STX2: variants seen among roughly 807,000 people sequenced by gnomAD.
The protein encoded by STX2 is syntaxin 2, also known as syntaxin-2.
A neutral mutation model predicts 40.6 loss-of-function variants in STX2; 27 were observed. That is an observed-to-expected ratio of 0.66 (90% CI 0.49 to 0.92). STX2 has a LOEUF of 0.92. Ranked by LOEUF, STX2 falls within the 40% of genes least tolerant of loss-of-function variation. STX2 has a pLI of 0.00. For missense variants in STX2, 328 were observed against 366.1 expected (o/e 0.90, Z 0.85); for synonymous variants, 123 against 119.1 (o/e 1.03, Z -0.22).
Position 130,818,182 on chromosome 12 carries a change from AAAAATATAT to A in STX2, c.205+3498_205+3506del, listed in dbSNP as rs1379778326. Among the ~76,000 whole-genome samples the A allele has an allele frequency of 1.3e-3, 49 of 37,378 alleles. No individual in the cohort carries two copies. The Admixed American group carries it at 0.014, about 11-fold the overall frequency. The allele number at this position is 37,378 out of a possible 152,430, so 24.5% of individuals were successfully genotyped here. The stretch of plus-strand genomic sequence containing the variant: ...AACGCTGTTTCTACAAAAAAAAAAA[AAAAATATAT>A]ATATATATATATATATATATATATA... On this transcript the variant is annotated intron_variant, in intron 3 of 10. Transcript: ENST00000392373.
At chr12:130,819,868 C>A (rs1240752102) in intron 3 of STX2, among the ~76,000 whole-genome samples, 1 of 152,192 alleles carries the variant, frequency 6.6e-6, no homozygotes, top group Non-Finnish European at 1.5e-5. Flanking sequence ...TGGCCGCAGG[C>A]AGCACCCTGG....
intron 1 of STX2, among the ~76,000 whole-genome samples, chr12:130,837,312 GA>G (rs1280814400): frequency 6.6e-6 from 1 of 151,988 alleles, no homozygotes; most frequent in African/African-American, 2.4e-5. Flanking sequence ...TGGTTTTTCT[GA>G]AACAGAGTCT....
intron 5 of STX2, among the ~76,000 whole-genome samples, chr12:130,808,086 G>C (rs965355439): frequency 1.3e-5 from 2 of 152,180 alleles, no homozygotes; most frequent in African/African-American, 4.8e-5. Context: ...ACAGGACAAA[G>C]ACAAGACTAG....
intron 3 of STX2, among the ~76,000 whole-genome samples, chr12:130,819,231 C>A (rs993695636): frequency 1.3e-5 from 2 of 152,318 alleles, no homozygotes; most frequent in Non-Finnish European, 2.9e-5. Flanking sequence ...CCGGGGATCG[C>A]CCTGCTCACC....
chr12:130,821,187 T>C (rs1952098895), intron 3 of STX2, among the ~76,000 whole-genome samples: 1 of 152,174 alleles, frequency 6.6e-6, no homozygotes, highest in Non-Finnish European at 1.5e-5. Flanking sequence ...AGAATTTGGA[T>C]AAACAGGTAA....
chr12:130,835,577 C>T (rs1474317663), intron 1 of STX2, among the ~76,000 whole-genome samples: 1 of 151,982 alleles, frequency 6.6e-6, no homozygotes, highest in Non-Finnish European at 1.5e-5. Context: ...ATAGCTATTC[C>T]ATTTTGCTTA....
intron 5 of STX2, among the ~76,000 whole-genome samples, chr12:130,807,733 G>A (rs764975257): frequency 2.6e-5 from 4 of 152,184 alleles, no homozygotes; most frequent in Non-Finnish European, 5.9e-5. Context: ...CTCTGTTGAT[G>A]GACCGAATAG....
intron 1 of STX2, among the ~76,000 whole-genome samples, chr12:130,838,488 T>C (rs1952814377): frequency 6.6e-6 from 1 of 152,186 alleles, no homozygotes; most frequent in Non-Finnish European, 1.5e-5. Flanking sequence ...AGACACAAGC[T>C]GCTGTTCGCG....
chr12:130,821,183 T>C (rs138468359), intron 3 of STX2, among the ~76,000 whole-genome samples: 4 of 152,198 alleles, frequency 2.6e-5, no homozygotes, highest in Non-Finnish European at 5.9e-5. Flanking sequence ...AGGGAGAATT[T>C]GGATAAACAG....
chr12:130,827,814 G>T (rs1170272409), intron 1 of STX2, among the ~76,000 whole-genome samples: 1 of 152,210 alleles, frequency 6.6e-6, no homozygotes, highest in Non-Finnish European at 1.5e-5. Context: ...GCTGAGGTGG[G>T]AGGACTACCT....
chr12:130,818,185 A>AAATATATATATATATATATAT, intron 3 of STX2, among the ~76,000 whole-genome samples: 9 of 70,540 alleles, frequency 1.3e-4, no homozygotes, highest in African/African-American at 4.7e-4. Flanking sequence ...AAAAAAAAAA[A>AAATATATATATATATATATAT]ATATATATAT....
intron 1 of STX2, among the ~76,000 whole-genome samples, chr12:130,832,794 C>T (rs1012937483): frequency 1.3e-5 from 2 of 152,172 alleles, no homozygotes; most frequent in African/African-American, 4.8e-5. Context: ...CACTCACTAC[C>T]GACAGCATCT....
chr12:130,813,593 G>A (rs1951739703), intron 3 of STX2, among the ~76,000 whole-genome samples: 1 of 152,196 alleles, frequency 6.6e-6, no homozygotes, highest in Non-Finnish European at 1.5e-5. Flanking sequence ...GATGGAGGCA[G>A]GGGCCGGCCT....
At chr12:130,828,450 G>C (rs1213976737) in intron 1 of STX2, among the ~76,000 whole-genome samples, 6 of 141,724 alleles carry the variant, frequency 4.2e-5, no homozygotes, top group Non-Finnish European at 9.0e-5. Context: ...ATGTTGGCCA[G>C]GCTGGTTTCG....
At chr12:130,825,573 G>A (rs1052303722) in intron 2 of STX2, among the ~76,000 whole-genome samples, 1 of 152,120 alleles carries the variant, frequency 6.6e-6, no homozygotes, top group African/African-American at 2.4e-5. Flanking sequence ...TACCTTAAAG[G>A]AAGTTCCTTG....
chr12:130,830,844 A>C (rs1268492811), intron 1 of STX2, among the ~76,000 whole-genome samples: 2 of 152,242 alleles, frequency 1.3e-5, no homozygotes, highest in Non-Finnish European at 2.9e-5. Flanking sequence ...TATTGTAAAT[A>C]ACCAAACTGC....
chr12:130,835,994 AAT>A (rs1253205954), intron 1 of STX2, among the ~76,000 whole-genome samples: 1 of 152,212 alleles, frequency 6.6e-6, no homozygotes, highest in Non-Finnish European at 1.5e-5. Flanking sequence ...AAGCATCACA[AAT>A]ACTTTGTTAA....
intron 1 of STX2, among the ~76,000 whole-genome samples, chr12:130,831,474 G>A (rs886443625): frequency 1.3e-5 from 2 of 152,138 alleles, no homozygotes; most frequent in Admixed American, 6.5e-5. Flanking sequence ...AGACCAGCCT[G>A]GGCAACATGG....
At chr12:130,832,633 C>T (rs1348613868) in intron 1 of STX2, among the ~76,000 whole-genome samples, 2 of 152,168 alleles carry the variant, frequency 1.3e-5, no homozygotes, top group African/African-American at 2.4e-5. Flanking sequence ...CATGATGAAG[C>T]CTAGAGAGCG....
Sources: allele counts gnomAD v4.1 joint callset (sites outside exome capture counted in the v4.1 genomes callset), GRCh38; gene constraint gnomAD v4.1.1; transcripts MANE v1.5; gene names NCBI Gene and HGNC (gene_info 2026-07-23, HGNC 2026-07-21).